SMG7: variants seen among roughly 807,000 people sequenced by gnomAD.
SMG7 encodes the protein SMG7 nonsense mediated mRNA decay factor.
SMG7 carries 34 observed loss-of-function variants against 148.2 expected under a neutral mutation model. The observed-to-expected ratio is 0.23, with a 90% CI of 0.17 to 0.31. The LOEUF is 0.31. Among genes scored for constraint, SMG7 ranks in the 10% least tolerant of loss-of-function variants. SMG7 has a pLI of 1.00. For missense variants in SMG7, 1,114 were observed against 1,408.4 expected (o/e 0.79, Z 3.35); for synonymous variants, 492 against 515.1 (o/e 0.96, Z 0.61).
chr1:183,534,901 C>G (rs1195712144), intron 10 of SMG7, among the ~76,000 whole-genome samples: 1 of 151,538 alleles, frequency 6.6e-6, no homozygotes, highest in Non-Finnish European at 1.5e-5. Flanking sequence ...TGTCTTTTCT[C>G]TCATGTAGTT....
intron 17 of SMG7, 144 bp downstream of exon 17, chr1:183,546,481 G>T (rs1040372211): frequency 1.2e-6 from 1 of 859,770 alleles, no homozygotes; most frequent in Non-Finnish European, 1.8e-6. Flanking sequence ...GTAGCTCTTG[G>T]TTTCCTCCTC....
rs920963873 is a variant in SMG7 at position 183,551,323 on chromosome 1, A to G, written c.3450+133A>G. On this transcript the variant is annotated intron_variant, in intron 22 of 22. Coordinates refer to ENST00000688051, the MANE Select transcript of SMG7 (RefSeq NM_001375584.1). ...CATAGCACATATATAACAAAGTCCT[A>G]GAAACATGGTCTGCCTTACAAGATT... 4 of 794,050 alleles carry G rather than the reference A, an allele frequency of 5.0e-6. No homozygotes were observed. In the African/African-American group the frequency reaches 5.3e-5, roughly 11 times the overall value. The allele number at this position is 794,050 out of a possible 1,614,324, so 49.2% of individuals were successfully genotyped here. A position where few individuals can be genotyped will look rare whatever the true frequency, so the allele number is the denominator to read the frequency against.
rs1398043157 is a variant in SMG7, at chr1:183,541,122, G to A, written c.1415+19G>A. ...AGCCAAGGTAAGTCTGGAACTTCTG[G>A]TCTACCCCTTTTTAACCACCTTTTT... On this transcript the variant is annotated intron_variant, in intron 13 of 22. Transcript: ENST00000688051. 1 of 1,609,930 alleles carries A rather than the reference G, an allele frequency of 6.2e-7. No homozygotes were observed. Among genetic ancestry groups the A allele is most frequent in the South Asian group, 1.1e-5 (1 of 90,538 alleles).
At chr1:183,512,000 TG>T (rs1396205029) in intron 1 of SMG7, among the ~76,000 whole-genome samples, 6 of 152,120 alleles carry the variant, frequency 3.9e-5, no homozygotes, top group African/African-American at 1.2e-4. Flanking sequence ...GGGATGGGAA[TG>T]GGTCCTGAGT....
At chr1:183,517,938 T>G in intron 4 of SMG7, 118 bp downstream of exon 4, 2 of 1,011,180 alleles carry the variant, frequency 2.0e-6, no homozygotes, top group East Asian at 2.4e-5. Flanking sequence ...ATCCAGGGAT[T>G]GATCACCTAT....
chr1:183,528,851 C>T (rs1666371439), intron 6 of SMG7, 41 bp from the exon 7 acceptor site: 2 of 1,521,030 alleles, frequency 1.3e-6, no homozygotes, highest in African/African-American at 2.8e-5. Flanking sequence ...AAGACTTTGT[C>T]ACTCTTGGGG....
chr1:183,549,605 A>G (rs548368147), intron 19 of SMG7, among the ~76,000 whole-genome samples, 159 bp from the exon 20 acceptor site: 3 of 152,334 alleles, frequency 2.0e-5, no homozygotes, highest in East Asian at 3.9e-4. Flanking sequence ...AGGAAAATTA[A>G]TTTGACTGGA....
At chr1:183,532,522 T>C (rs866275523) in intron 8 of SMG7, among the ~76,000 whole-genome samples, 50 of 152,192 alleles carry the variant, frequency 3.3e-4, no homozygotes, top group African/African-American at 1.2e-3. Context: ...TGAAATTTGA[T>C]GATCACGCAT....
chr1:183,544,170 C>A (rs1324265585), intron 14 of SMG7, among the ~76,000 whole-genome samples, 183 bp from the exon 15 acceptor site: 3 of 152,004 alleles, frequency 2.0e-5, no homozygotes, highest in African/African-American at 4.8e-5. Flanking sequence ...GTAAAATTAT[C>A]TTTTATTGGC....
At position 183,542,466 on chromosome 1, in the gene SMG7, G is replaced by A; in HGVS notation, c.1806G>A (p.Lys602=). ...KTETKKCTLE[K]LQETGKQNVA... is the part of the protein sequence containing the mutation. ...AAACCAAGAAATGCACCTTAGAAAA[G>A]TTACAGGAAACAGGAAAGCAGAATG... Residue 602 remains lysine, a synonymous_variant, in exon 14 of 23, where the codon AAG becomes AAA. Coordinates refer to ENST00000688051, the MANE Select transcript of SMG7 (RefSeq NM_001375584.1). The A allele has an allele frequency of 6.2e-7, 1 of 1,613,736 alleles. No individual in the cohort carries two copies. Among genetic ancestry groups the A allele is most frequent in the Non-Finnish European group, 8.5e-7 (1 of 1,179,880 alleles).
chr1:183,550,548 G>A (rs1217197106), intron 20 of SMG7, among the ~76,000 whole-genome samples: 1 of 152,104 alleles, frequency 6.6e-6, no homozygotes, highest in African/African-American at 2.4e-5. Context: ...CTTTTTTAAG[G>A]CGAAGAATAT....
chr1:183,517,661 C>T, intron 3 of SMG7, 27 bp from the exon 4 acceptor site: 1 of 1,613,126 alleles, frequency 6.2e-7, no homozygotes. Context: ...CACTGCTATA[C>T]CAAATAGAAT....
chr1:183,482,645 A>C lies in SMG7; in HGVS notation c.29+9996A>C, dbSNP rs548415512. ...AGACCATGTTCACATAACTTATTAT[A>C]GCTTATGTCATAATTATTCCATTTT... On this transcript the variant is annotated intron_variant, in intron 1 of 22. Coordinates refer to ENST00000688051, the MANE Select transcript of SMG7 (RefSeq NM_001375584.1). 2.6e-5 allele frequency among the ~76,000 whole-genome samples: 4 copies of C among 152,276 alleles called. No individual in the cohort carries two copies. The South Asian group carries it at 8.3e-4, about 32-fold the overall frequency.
At chr1:183,545,905 C>T in intron 16 of SMG7, 61 bp from the exon 17 acceptor site, 2 of 1,506,368 alleles carry the variant, frequency 1.3e-6, no homozygotes, top group South Asian at 2.7e-5. Flanking sequence ...GATTCTTTAG[C>T]ATTCATTATA....
At chr1:183,536,687 G>A (rs1208523618) in intron 10 of SMG7, among the ~76,000 whole-genome samples, 1 of 152,088 alleles carries the variant, frequency 6.6e-6, no homozygotes, top group Non-Finnish European at 1.5e-5. Flanking sequence ...AAAAAAAGAG[G>A]CATTATCACT....
intron 1 of SMG7, chr1:183,501,209 A>G (rs1177883419): frequency 6.6e-6 from 1 of 152,158 alleles, no homozygotes; most frequent in Non-Finnish European, 1.5e-5. Flanking sequence ...CTTACCAAGG[A>G]ACAGTCCTAA....
At chr1:183,508,115 A>C in intron 1 of SMG7, 1 of 967,828 alleles carries the variant, frequency 1.0e-6, no homozygotes, top group East Asian at 1.1e-4. Context: ...TCTCTGTATG[A>C]GCATTGGCTG....
rs1368575593 is a variant in SMG7, at chr1:183,545,946, G to A, written c.2371-20G>A. ...TATTGCATTTTATCCTCACCTTTAT[G>A]ACAGGCGTCTCTTTTTTAGTATCAA... On this transcript the variant is annotated intron_variant, in intron 16 of 22. Coordinates refer to ENST00000688051, the MANE Select transcript of SMG7 (RefSeq NM_001375584.1). 1.3e-6 allele frequency: 2 copies of A among 1,560,892 alleles called. No homozygotes were observed. Among genetic ancestry groups the A allele is most frequent in the Admixed American group, 2.1e-5 (1 of 47,570 alleles).
chr1:183,519,142 G>A (rs921254948), intron 4 of SMG7, among the ~76,000 whole-genome samples: 1 of 152,056 alleles, frequency 6.6e-6, no homozygotes, highest in Non-Finnish European at 1.5e-5. Flanking sequence ...GCAGTGAACC[G>A]TGATTGTGCC....
Sources: gnomAD v4.1 joint callset for allele counts (sites outside exome capture counted in the v4.1 genomes callset) on GRCh38, gnomAD v4.1.1 for gene constraint, MANE v1.5 for transcripts, NCBI Gene and HGNC (gene_info 2026-07-23, HGNC 2026-07-21) for gene names.